Variants in LINGO2 observed in about 807,000 individuals in gnomAD.
LINGO2 encodes the protein leucine rich repeat and Ig domain containing 2.
In LINGO2, 14 loss-of-function variants were observed where a neutral mutation model predicts 30.6. The ratio of observed to expected loss-of-function variants is 0.46; its 90% CI spans 0.30 to 0.72. LINGO2 has a LOEUF of 0.72. Ranked by LOEUF, LINGO2 falls within the 30% of genes least tolerant of loss-of-function variation. The pLI is 0.07. For missense variants in LINGO2, 729 were observed against 751.7 expected (o/e 0.97, Z 0.35); for synonymous variants, 317 against 288.5 (o/e 1.10, Z -1.00).
At chr9:29,111,429 T>C in the LINGO2 span, among the ~76,000 whole-genome samples, 35,735 of 151,982 alleles carry the variant, frequency 0.24, 4,347 homozygotes, top group East Asian at 0.41. Context: ...CCATCAATTC[T>C]AACTTCCTCT....
the LINGO2 span, among the ~76,000 whole-genome samples, chr9:29,182,402 A>G: frequency 6.6e-6 from 1 of 152,218 alleles, no homozygotes; most frequent in Non-Finnish European, 1.5e-5. Context: ...AATAATAAAC[A>G]TAAGCCTAGA....
intron 4 of LINGO2, among the ~76,000 whole-genome samples, chr9:28,180,891 G>A (rs1369854945): frequency 2.6e-5 from 4 of 151,960 alleles, no homozygotes; most frequent in Non-Finnish European, 4.4e-5. Flanking sequence ...AAAAACAATG[G>A]ATTGTTCACT....
the LINGO2 span, among the ~76,000 whole-genome samples, chr9:29,212,782 G>A: frequency 6.6e-6 from 1 of 152,188 alleles, no homozygotes; most frequent in African/African-American, 2.4e-5. Flanking sequence ...GCTACTCCCT[G>A]ACTTGCCAGG....
chr9:28,035,993 A>T (rs1026704490), intron 4 of LINGO2, among the ~76,000 whole-genome samples: 2 of 152,212 alleles, frequency 1.3e-5, no homozygotes, highest in Non-Finnish European at 2.9e-5. Flanking sequence ...CTTTTAAAAA[A>T]TTATTGTTGG....
the LINGO2 span, among the ~76,000 whole-genome samples, chr9:28,920,931 A>T: frequency 6.6e-6 from 1 of 152,204 alleles, no homozygotes; most frequent in South Asian, 2.1e-4. Flanking sequence ...GATGGTTATG[A>T]AGATTACAAA....
the LINGO2 span, among the ~76,000 whole-genome samples, chr9:29,016,612 C>T: frequency 6.6e-6 from 1 of 152,098 alleles, no homozygotes; most frequent in Non-Finnish European, 1.5e-5. Flanking sequence ...AGATTCATAA[C>T]CTGATCACAA....
chr9:28,336,099 G>A (rs1825580350), intron 3 of LINGO2, among the ~76,000 whole-genome samples: 1 of 151,800 alleles, frequency 6.6e-6, no homozygotes, highest in African/African-American at 2.4e-5. Flanking sequence ...CCAACATTTG[G>A]TATTATCTTT....
chr9:29,113,946 T>C, the LINGO2 span, among the ~76,000 whole-genome samples: 19 of 148,208 alleles, frequency 1.3e-4, no homozygotes, highest in Non-Finnish European at 2.7e-4. Flanking sequence ...TCTGAGAAAA[T>C]TTACCAAAGC....
the LINGO2 span, among the ~76,000 whole-genome samples, chr9:29,045,586 A>T: frequency 2.6e-5 from 4 of 151,516 alleles, no homozygotes; most frequent in Non-Finnish European, 5.9e-5. Context: ...TCATGATTAA[A>T]AAAAAAAAAA....
chr9:28,959,469 G>A, the LINGO2 span, among the ~76,000 whole-genome samples: 1 of 151,816 alleles, frequency 6.6e-6, no homozygotes, highest in Non-Finnish European at 1.5e-5. Flanking sequence ...GACAAAATAA[G>A]GATGAGAAAA....
intron 4 of LINGO2, among the ~76,000 whole-genome samples, chr9:28,107,700 G>C (rs1465662988): frequency 6.6e-6 from 1 of 152,098 alleles, no homozygotes; most frequent in Non-Finnish European, 1.5e-5. Flanking sequence ...AAAGCAAAAA[G>C]GGCCAGTGGT....
chr9:28,044,430 T>TG, intron 4 of LINGO2, among the ~76,000 whole-genome samples: 1 of 152,294 alleles, frequency 6.6e-6, no homozygotes, highest in East Asian at 1.9e-4. Flanking sequence ...GCCCCATGCA[T>TG]CATGGATCAG....
the LINGO2 span, among the ~76,000 whole-genome samples, chr9:28,951,550 C>T: frequency 4.5e-4 from 69 of 152,262 alleles, 1 homozygote; most frequent in East Asian, 0.011. Context: ...TCTGACCTGA[C>T]AGAGGTGCCA....
chr9:28,238,953 G>GACCCAAATAATTAAAA (rs1180649113), intron 4 of LINGO2, among the ~76,000 whole-genome samples: 37 of 151,942 alleles, frequency 2.4e-4, no homozygotes, highest in African/African-American at 8.9e-4. Flanking sequence ...TATGAAAAAA[G>GACCCAAATAATTAAAA]GAGTAATTAC....
At chr9:28,682,455 T>A in the LINGO2 span, among the ~76,000 whole-genome samples, 1 of 152,184 alleles carries the variant, frequency 6.6e-6, no homozygotes, top group African/African-American at 2.4e-5. Context: ...GTACAGGTTA[T>A]CTTTTAGACC....
intron 5 of LINGO2, among the ~76,000 whole-genome samples, chr9:28,002,950 C>A (rs974401132): frequency 6.6e-6 from 1 of 152,068 alleles, no homozygotes; most frequent in Admixed American, 6.6e-5. Flanking sequence ...GGCATCCTGT[C>A]CATGGATAGT....
chr9:28,248,506 G>A (rs79396907), intron 4 of LINGO2, among the ~76,000 whole-genome samples: 10,754 of 152,080 alleles, frequency 0.071, 465 homozygotes, highest in South Asian at 0.16. Context: ...GATTGTTGAC[G>A]GGCACAAAAC....
the LINGO2 span, among the ~76,000 whole-genome samples, chr9:28,718,458 T>C: frequency 6.6e-6 from 1 of 152,052 alleles, no homozygotes; most frequent in African/African-American, 2.4e-5. Context: ...TACCAGACAA[T>C]TTCGAAATTA....
chr9:28,407,899 A>G (rs1394819296), intron 2 of LINGO2, among the ~76,000 whole-genome samples: 2 of 152,160 alleles, frequency 1.3e-5, no homozygotes, highest in Non-Finnish European at 2.9e-5. Flanking sequence ...GCATTCTAAC[A>G]GAATAAAAAC....
Sources: gnomAD v4.1 joint callset for allele counts (sites outside exome capture counted in the v4.1 genomes callset) on GRCh38, gnomAD v4.1.1 for gene constraint, MANE v1.5 for transcripts, NCBI Gene and HGNC (gene_info 2026-07-23, HGNC 2026-07-21) for gene names.